TUSC3: variants seen among roughly 807,000 people sequenced by gnomAD.
The protein encoded by TUSC3 is tumor suppressor candidate 3.
TUSC3 carries 45 observed loss-of-function variants against 44.8 expected under a neutral mutation model. The observed-to-expected ratio is 1.00, with a 90% CI of 0.79 to 1.29. The LOEUF (loss-of-function observed/expected upper bound fraction) is 1.29, where lower values mean the gene tolerates loss of function less well. Ranked by LOEUF, TUSC3 falls within the 50% of genes most tolerant of loss-of-function variation. The pLI is 0.00. For missense variants in TUSC3, 519 were observed against 437.9 expected (o/e 1.19, Z -1.65); for synonymous variants, 212 against 152.9 (o/e 1.39, Z -2.85).
intron 6 of TUSC3, among the ~76,000 whole-genome samples, chr8:15,690,865 A>G (rs3988420): frequency 0.46 from 69,883 of 150,434 alleles, 16,959 homozygotes; most frequent in Admixed American, 0.56. Context: ...CTGTGTGTCT[A>G]TATTTGTACC....
intron 1 of TUSC3, among the ~76,000 whole-genome samples, chr8:15,607,431 C>T (rs993921916): frequency 2.0e-5 from 3 of 152,026 alleles, no homozygotes; most frequent in South Asian, 2.1e-4. Context: ...AGTTTACATA[C>T]ATTTGTAAAA....
At chr8:15,456,119 T>C (rs1800253996) in intron 1 of TUSC3, among the ~76,000 whole-genome samples, 1 of 152,286 alleles carries the variant, frequency 6.6e-6, no homozygotes, top group Non-Finnish European at 1.5e-5. Context: ...GCAGCAATCA[T>C]TGCCTAGCCA....
chr8:15,728,142 A>G (rs939816812), intron 6 of TUSC3, among the ~76,000 whole-genome samples: 7 of 152,224 alleles, frequency 4.6e-5, no homozygotes, highest in Admixed American at 4.6e-4. Flanking sequence ...TACAAAATGC[A>G]TTACATGATA....
intron 2 of TUSC3, among the ~76,000 whole-genome samples, chr8:15,530,842 G>A (rs58053202): frequency 0.049 from 7,481 of 152,176 alleles, 280 homozygotes; most frequent in African/African-American, 0.1. Flanking sequence ...AATAAAGATG[G>A]TTATGCCCAA....
intron 2 of TUSC3, among the ~76,000 whole-genome samples, chr8:15,519,397 T>C (rs1181581029): frequency 6.6e-6 from 1 of 152,158 alleles, no homozygotes; most frequent in Non-Finnish European, 1.5e-5. Context: ...ACTCATAAAT[T>C]ACAGTCACTT....
intron 1 of TUSC3, among the ~76,000 whole-genome samples, chr8:15,544,099 A>G (rs1428033214): frequency 6.6e-6 from 1 of 152,166 alleles, no homozygotes; most frequent in East Asian, 1.9e-4. Context: ...ACTTTTCTTA[A>G]TTACATTGAA....
At chr8:15,555,537 C>T (rs992206173) in intron 1 of TUSC3, among the ~76,000 whole-genome samples, 5 of 151,074 alleles carry the variant, frequency 3.3e-5, no homozygotes, top group Admixed American at 6.6e-5. Context: ...TCAAGTGATC[C>T]CCCTGCCTTG....
chr8:15,828,822 G>A, the TUSC3 span, among the ~76,000 whole-genome samples: 1 of 152,084 alleles, frequency 6.6e-6, no homozygotes, highest in African/African-American at 2.4e-5. Context: ...AAAACAGTCT[G>A]TTTTTCTTTC....
chr8:15,451,671 G>A (rs1021059294), intron 1 of TUSC3, among the ~76,000 whole-genome samples: 1 of 152,142 alleles, frequency 6.6e-6, no homozygotes, highest in Non-Finnish European at 1.5e-5. Context: ...TTGAACCTGA[G>A]GAAGGGATAG....
At chr8:15,541,057 T>C (rs1801673343) in intron 1 of TUSC3, among the ~76,000 whole-genome samples, 1 of 152,208 alleles carries the variant, frequency 6.6e-6, no homozygotes, top group South Asian at 2.1e-4. Flanking sequence ...CGGTGTATAC[T>C]TGTGAGAATA....
intron 1 of TUSC3, among the ~76,000 whole-genome samples, chr8:15,437,387 T>C (rs887050777): frequency 2.0e-5 from 3 of 152,220 alleles, no homozygotes; most frequent in Non-Finnish European, 4.4e-5. Context: ...GTTTCTGAAA[T>C]GTTTCTTAAT....
chr8:15,461,563 G>C (rs1026089477), intron 1 of TUSC3, among the ~76,000 whole-genome samples: 2 of 151,858 alleles, frequency 1.3e-5, no homozygotes, highest in Non-Finnish European at 2.9e-5. Context: ...AGGACTTCCA[G>C]TACTATATTA....
At chr8:15,535,090 T>C (rs1473507718) in intron 2 of TUSC3, among the ~76,000 whole-genome samples, 1 of 152,220 alleles carries the variant, frequency 6.6e-6, no homozygotes, top group African/African-American at 2.4e-5. Flanking sequence ...ATTGGTTTCA[T>C]GTGTTAAGTA....
chr8:15,822,635 G>T, the TUSC3 span, among the ~76,000 whole-genome samples: 4 of 152,052 alleles, frequency 2.6e-5, no homozygotes, highest in Non-Finnish European at 4.4e-5. Context: ...TTGAGCTTTG[G>T]GGAATTCATG....
At chr8:15,540,794 C>T (rs778083759) in intron 1 of TUSC3, among the ~76,000 whole-genome samples, 36 of 152,198 alleles carry the variant, frequency 2.4e-4, no homozygotes, top group Non-Finnish European at 8.8e-5. Context: ...TTGACTGCTT[C>T]TGAGCACCTC....
chr8:15,606,230 G>C (rs1387412474), intron 1 of TUSC3, among the ~76,000 whole-genome samples: 1 of 151,948 alleles, frequency 6.6e-6, no homozygotes, highest in Non-Finnish European at 1.5e-5. Flanking sequence ...TTGTAAACAG[G>C]TGACAGAAAC....
intron 1 of TUSC3, among the ~76,000 whole-genome samples, chr8:15,472,911 A>G (rs1208547639): frequency 6.6e-6 from 1 of 152,202 alleles, no homozygotes; most frequent in Non-Finnish European, 1.5e-5. Flanking sequence ...ACAGAAGTTG[A>G]TAATATCTTG....
rs569985389 is a variant in TUSC3 at position 15,757,920 on chromosome 8, T to A, written c.*46+65T>A. ...TTTTTCAAATATAGAGAGTATAACA[T>A]TTATCTCATAAGACAAGTTGTAGTA... On this transcript the variant is annotated intron_variant, in intron 10 of 10. Transcript: ENST00000503731. The A allele has an allele frequency of 2.4e-5, 36 of 1,477,958 alleles. No homozygotes were observed. The East Asian group carries it at 5.0e-4, about 21-fold the overall frequency. The allele number at this position is 1,477,958 out of a possible 1,614,324, so 91.6% of individuals were successfully genotyped here.
intron 2 of TUSC3, among the ~76,000 whole-genome samples, chr8:15,506,179 A>G (rs1585069394): frequency 6.6e-6 from 1 of 152,058 alleles, no homozygotes; most frequent in Admixed American, 6.6e-5. Flanking sequence ...AGAAAACAGT[A>G]CCCCAAAATA....
Sources: gnomAD v4.1 joint callset for allele counts (sites outside exome capture counted in the v4.1 genomes callset) on GRCh38, gnomAD v4.1.1 for gene constraint, MANE v1.5 for transcripts, NCBI Gene and HGNC (gene_info 2026-07-23, HGNC 2026-07-21) for gene names.